The following KMO variants were observed in gnomAD, a reference collection of about 807,000 sequenced individuals.
KMO encodes the protein kynurenine 3-monooxygenase.
KMO carries 24 observed loss-of-function variants against 57.8 expected under a neutral mutation model. The observed-to-expected ratio is 0.42, with a 90% CI of 0.30 to 0.58. The LOEUF (loss-of-function observed/expected upper bound fraction) is 0.58. Ranked by LOEUF, KMO falls within the 20% of genes least tolerant of loss-of-function variation. The pLI is 0.22. For synonymous variants in KMO, 210 were observed against 193.6 expected (o/e 1.08, Z -0.70); for missense variants, 483 against 588.2 (o/e 0.82, Z 1.85).
At chr1:241,538,720 G>T (rs947311262) in intron 1 of KMO, among the ~76,000 whole-genome samples, 1 of 152,126 alleles carries the variant, frequency 6.6e-6, no homozygotes, top group Admixed American at 6.6e-5. Flanking sequence ...AAACAGAGGT[G>T]GAATGGATTT....
At chr1:241,560,641 T>G (rs1661801340) in intron 5 of KMO, 24 bp from the exon 6 acceptor site, 1 of 1,506,116 alleles carries the variant, frequency 6.6e-7, no homozygotes, top group Non-Finnish European at 9.2e-7. Flanking sequence ...TCATTTCTGT[T>G]TGCCTCTTTC....
chr1:241,549,790 T>G lies in KMO; in HGVS notation c.222+16T>G. On this transcript the variant is annotated intron_variant, in intron 3 of 14. Coordinates refer to ENST00000366559, the MANE Select transcript of KMO (RefSeq NM_003679.5). The stretch of plus-strand genomic sequence containing the variant: ...GGAAGATCAGGTACTTAATGTATCT[T>G]TCTTACAGAAGATAATACCTGGTAT... The G allele has an allele frequency of 2.7e-6, 4 of 1,482,038 alleles. No individual in the cohort carries two copies. Among genetic ancestry groups the G allele is most frequent in the Non-Finnish European group, 3.8e-6 (4 of 1,063,694 alleles). The allele number at this position is 1,482,038 out of a possible 1,614,324, so 91.8% of individuals were successfully genotyped here.
At chr1:241,533,716 G>T (rs1213432667) in intron 1 of KMO, among the ~76,000 whole-genome samples, 1 of 152,122 alleles carries the variant, frequency 6.6e-6, no homozygotes. Context: ...AAAAAGACAA[G>T]GAAGAAGAAA....
intron 4 of KMO, among the ~76,000 whole-genome samples, chr1:241,554,969 A>G (rs1661557033): frequency 6.6e-6 from 1 of 151,828 alleles, no homozygotes; most frequent in Admixed American, 6.6e-5. Context: ...GCAACAGAGC[A>G]AGACTCTGTT....
intron 1 of KMO, among the ~76,000 whole-genome samples, chr1:241,542,573 CTT>C (rs1347147643): frequency 6.6e-6 from 1 of 152,214 alleles, no homozygotes; most frequent in Non-Finnish European, 1.5e-5. Context: ...AATACAGAAA[CTT>C]TTCATAATTG....
At chr1:241,552,211 T>C (rs1016349084) in intron 4 of KMO, among the ~76,000 whole-genome samples, 1 of 151,760 alleles carries the variant, frequency 6.6e-6, no homozygotes, top group Non-Finnish European at 1.5e-5. Context: ...AGAGCGTGCA[T>C]ACATTCCCCA....
intron 11 of KMO, among the ~76,000 whole-genome samples, chr1:241,587,183 C>G (rs1663032299): frequency 6.6e-6 from 1 of 152,212 alleles, no homozygotes; most frequent in Non-Finnish European, 1.5e-5. Flanking sequence ...CTCTGATCTT[C>G]AGGCGTTAGT....
chr1:241,580,942 A>G (rs1455972899), intron 10 of KMO, among the ~76,000 whole-genome samples: 1 of 152,044 alleles, frequency 6.6e-6, no homozygotes, highest in Non-Finnish European at 1.5e-5. Context: ...GTACCCAGCT[A>G]TTATTGTATT....
intron 10 of KMO, among the ~76,000 whole-genome samples, chr1:241,574,058 G>A (rs1042020719): frequency 6.6e-6 from 1 of 151,972 alleles, no homozygotes; most frequent in African/African-American, 2.4e-5. Context: ...CTCTTCATTT[G>A]ATTCTCAGTT....
chr1:241,558,329 G>A (rs12092480), intron 5 of KMO, among the ~76,000 whole-genome samples: 5,235 of 152,232 alleles, frequency 0.034, 288 homozygotes, highest in African/African-American at 0.12. Context: ...TAAAATGAAC[G>A]CTGAATCTCT....
chr1:241,552,162 G>C (rs1249596098), intron 4 of KMO, among the ~76,000 whole-genome samples: 1 of 109,430 alleles, frequency 9.1e-6, no homozygotes, highest in Non-Finnish European at 2.0e-5. Flanking sequence ...GTGTGTGTGA[G>C]TGTGAGTGTG....
chr1:241,542,625 C>T (rs987463450), intron 1 of KMO, among the ~76,000 whole-genome samples: 3 of 152,200 alleles, frequency 2.0e-5, no homozygotes, highest in Non-Finnish European at 2.9e-5. Context: ...TCTATTAAGG[C>T]TTTACCCTCA....
intron 5 of KMO, among the ~76,000 whole-genome samples, chr1:241,557,778 C>T (rs1661695495): frequency 6.6e-6 from 1 of 152,110 alleles, no homozygotes; most frequent in Admixed American, 6.5e-5. Flanking sequence ...TCACTGCATT[C>T]CAGCCCTGGT....
In KMO at chr1:241,592,701, A is replaced by G. The variant is rs1199662436; in HGVS notation, c.*548A>G. 2.6e-5 allele frequency: 4 copies of G among 155,266 alleles called. No individual in the cohort carries two copies. The highest frequency in any genetic ancestry group is 1.3e-4 in the Admixed American group (2 of 15,734). The allele number at this position is 155,266 out of a possible 1,614,324, so 9.6% of individuals were successfully genotyped here. ...TATTTTCCCACCTTCAAATATAAGT[A>G]TTATCATCTATCTGTTTATCGTCTA... On this transcript the variant is annotated 3_prime_UTR_variant, in exon 15 of 15. Coordinates refer to ENST00000366559, the MANE Select transcript of KMO (RefSeq NM_003679.5).
chr1:241,588,974 C>A lies in KMO; in HGVS notation c.1098+144C>A, dbSNP rs887191291. ...GATAAGAAAACACACACACACATAG[C>A]ATTCCTTAGACTTGGGTGGATTGTG... On this transcript the variant is annotated intron_variant, in intron 12 of 14. Coordinates refer to ENST00000366559, the MANE Select transcript of KMO (RefSeq NM_003679.5). The A allele has an allele frequency of 8.2e-6, 5 of 612,128 alleles. No individual in the cohort carries two copies. The Admixed American group carries it at 1.4e-4, about 17-fold the overall frequency. The allele number at this position is 612,128 out of a possible 1,614,324, so 37.9% of individuals were successfully genotyped here.
intron 10 of KMO, among the ~76,000 whole-genome samples, chr1:241,582,705 G>A (rs187365700): frequency 6.6e-6 from 1 of 152,264 alleles, no homozygotes. Flanking sequence ...TCTGCAAGAC[G>A]AGTATTTTGA....
chr1:241,594,960 G>A lies in KMO; in HGVS notation c.*2807G>A, dbSNP rs754627141. ...GCTTCAATCTGCACACACTTTCTAT[G>A]AGGGCAGGTACAACTATTAAGAGAT... On this transcript the variant is annotated 3_prime_UTR_variant, in exon 15 of 15. Transcript: ENST00000366559. 1.1e-5 allele frequency: 4 copies of A among 373,672 alleles called. No individual in the cohort carries two copies. The highest frequency in any genetic ancestry group is 4.3e-5 in the Admixed American group (1 of 23,212). 23.1% of individuals were successfully genotyped at this position (373,672 alleles called of 1,614,324 possible).
At chr1:241,558,056 T>G (rs1048101813) in intron 5 of KMO, among the ~76,000 whole-genome samples, 1 of 152,368 alleles carries the variant, frequency 6.6e-6, no homozygotes, top group Non-Finnish European at 1.5e-5. Flanking sequence ...GATGGTGAAA[T>G]GGAGGCTTAG....
At chr1:241,548,603 C>T (rs1190187536) in intron 1 of KMO, among the ~76,000 whole-genome samples, 1 of 150,092 alleles carries the variant, frequency 6.7e-6, no homozygotes, top group African/African-American at 2.5e-5. Flanking sequence ...AAAAAAACTA[C>T]TTCTAAAATC....
Sources: allele counts gnomAD v4.1 joint callset (sites outside exome capture counted in the v4.1 genomes callset), GRCh38; gene constraint gnomAD v4.1.1; transcripts MANE v1.5; gene names NCBI Gene and HGNC (gene_info 2026-07-23, HGNC 2026-07-21).